Variants in PIM3 observed in about 807,000 individuals in gnomAD.
PIM3 encodes serine/threonine-protein kinase pim-3.
PIM3 carries 13 observed loss-of-function variants against 27.5 expected under a neutral mutation model. The ratio of observed to expected loss-of-function variants is 0.47; its 90% CI spans 0.31 to 0.75. PIM3 has a LOEUF of 0.75. Among genes scored for constraint, PIM3 ranks in the 30% least tolerant of loss-of-function variants. The pLI is 0.05. For synonymous variants in PIM3, 341 were observed against 221.1 expected (o/e 1.54, Z -4.81); for missense variants, 482 against 476.9 (o/e 1.01, Z -0.10).
At chr22:49,962,044 G>T (rs965362284) in intron 4 of PIM3, among the ~76,000 whole-genome samples, 2 of 152,120 alleles carry the variant, frequency 1.3e-5, no homozygotes, top group Admixed American at 6.5e-5. Context: ...CCTCCATCGC[G>T]TTGGGGGGTA....
chr22:49,963,919 C>T lies in PIM3; in HGVS notation c.*792C>T, dbSNP rs929707838. On this transcript the variant is annotated 3_prime_UTR_variant, in exon 6 of 6. Coordinates refer to ENST00000360612, the MANE Select transcript of PIM3 (RefSeq NM_001001852.4). ...TGGGCTCTGAAAGCTGGGGTGGGGCCAGAGCCTGAGCGTTTAATTTATTCA... is the reference window on the plus strand; with the variant it reads ...TGGGCTCTGAAAGCTGGGGTGGGGCTAGAGCCTGAGCGTTTAATTTATTCA... 17 of 152,390 alleles carry T rather than the reference C, an allele frequency of 1.1e-4. No individual in the cohort carries two copies. Among genetic ancestry groups the T allele is most frequent in the Non-Finnish European group, 1.8e-4 (12 of 68,092 alleles). The allele number at this position is 152,390 out of a possible 1,614,324, so 9.4% of individuals were successfully genotyped here. A position where few individuals can be genotyped will look rare whatever the true frequency, so the allele number is the denominator to read the frequency against.
In PIM3 at chr22:49,961,615, C is replaced by A; in HGVS notation, c.420C>A (p.Gly140=). ...TCTTCGACTTTATCACGGAGCGCGG[C>A]GCCCTGGACGAGCCGCTGGCGCGCC... The part of the protein sequence containing the change: ...QDLFDFITER[G]ALDEPLARRF... Residue 140 remains glycine (G), a synonymous_variant, in exon 4 of 6, where the codon GGC becomes GGA. Coordinates refer to ENST00000360612, the MANE Select transcript of PIM3 (RefSeq NM_001001852.4). 1 of 1,550,086 alleles carries A rather than the reference C, an allele frequency of 6.5e-7. No individual in the cohort carries two copies. Among genetic ancestry groups the A allele is most frequent in the South Asian group, 1.2e-5 (1 of 84,388 alleles).
chr22:49,963,444 C>G lies in PIM3; in HGVS notation c.*317C>G, dbSNP rs570258477. 7.0e-6 allele frequency: 2 copies of G among 287,270 alleles called. No individual in the cohort carries two copies. The highest frequency in any genetic ancestry group is 1.3e-5 in the Non-Finnish European group (2 of 150,386). 17.8% of individuals were successfully genotyped at this position (287,270 alleles called of 1,614,324 possible). Reference sequence around the variant, plus strand: ...GCCTGCCCACCCGGAGCTCTTTCCGCCGGCGCAGGGTCCCAAGCCCACCTC... The same window carrying G: ...GCCTGCCCACCCGGAGCTCTTTCCGGCGGCGCAGGGTCCCAAGCCCACCTC... On this transcript the variant is annotated 3_prime_UTR_variant, in exon 6 of 6. Coordinates refer to ENST00000360612, the MANE Select transcript of PIM3 (RefSeq NM_001001852.4).
At chr22:49,962,285 C>T (rs969248924) in intron 4 of PIM3, among the ~76,000 whole-genome samples, 3 of 151,750 alleles carry the variant, frequency 2.0e-5, no homozygotes, top group Admixed American at 6.5e-5. Context: ...GCAGAAATCC[C>T]CGCATTGCGG....
At position 49,961,007 on chromosome 22, in the gene PIM3, C is replaced by T. The variant is rs769227911; in HGVS notation, c.60C>T (p.His20=). The change falls in exon 1 of 6, where the codon CAC becomes CAT. Residue 20 remains histidine (H), a synonymous_variant. Coordinates refer to ENST00000360612, the MANE Select transcript of PIM3 (RefSeq NM_001001852.4). ...AHLCGPGGVD[H]LPVKILQPAK... ...TCTGCGGGCCCGGCGGCGTGGACCA[C>T]CTCCCGGTGAAGATCCTGCAGCCAG... 28 of 1,392,906 alleles carry T rather than the reference C, an allele frequency of 2.0e-5. No individual in the cohort carries two copies. Among genetic ancestry groups the T allele is most frequent in the Non-Finnish European group, 2.5e-5 (27 of 1,063,744 alleles). 86.3% of individuals were successfully genotyped at this position (1,392,906 alleles called of 1,614,324 possible). A position where few individuals can be genotyped will look rare whatever the true frequency, so the allele number is the denominator to read the frequency against.
Position 49,962,753 on chromosome 22 carries a change from C to T in PIM3, c.681C>T (p.Thr227=), listed in dbSNP as rs56188169. Reference sequence around the variant, plus strand: ...ACCGCTACCACGGGCGCTCGGCCACCGTGTGGTCGCTGGGCGTGCTTCTCT... The same window carrying T: ...ACCGCTACCACGGGCGCTCGGCCACTGTGTGGTCGCTGGGCGTGCTTCTCT... ...RYHRYHGRSA[T]VWSLGVLLYD... Residue 227 remains threonine, a synonymous_variant, in exon 5 of 6, where the codon ACC becomes ACT. Transcript: ENST00000360612. The T allele has an allele frequency of 1.1e-5, 17 of 1,612,780 alleles. No individual in the cohort carries two copies. In the East Asian group the frequency reaches 2.2e-4, roughly 21 times the overall value.
At chr22:49,962,336 T>TCCCTCCC (rs992853807) in intron 4 of PIM3, among the ~76,000 whole-genome samples, 1 of 29,638 alleles carries the variant, frequency 3.4e-5, no homozygotes, top group African/African-American at 1.4e-4. Flanking sequence ...CCCTCCCTCC[T>TCCCTCCC]CCCTCCCTCT....
chr22:49,961,528 C>G lies in PIM3; in HGVS notation c.333C>G (p.Asp111Glu), dbSNP rs757713836. The G allele has an allele frequency of 5.8e-6, 9 of 1,541,398 alleles. No individual in the cohort carries two copies. The highest frequency in any genetic ancestry group is 1.4e-5 in the African/African-American group (1 of 71,950). The change falls in exon 4 of 6, where the codon GAC becomes GAG. Residue 111 changes from aspartate to glutamate, a missense_variant. Transcript: ENST00000360612. ...CGCGCGGCGTCATCCGCCTGCTGGA[C>G]TGGTTCGAGCGGCCCGACGGCTTCC... Reference protein sequence around the residue: ...GGARGVIRLLDWFERPDGFLL... With the variant: ...GGARGVIRLLEWFERPDGFLL...
rs753148648 is a variant in PIM3 at position 49,960,920 on chromosome 22, C to G, written c.-28C>G. ...GGCCGCGGCTTCGGCGCCTGGGGCTCGGGGCTCCGGGGAGGCCGTCGCCCG... is the reference window on the plus strand; with the variant it reads ...GGCCGCGGCTTCGGCGCCTGGGGCTGGGGGCTCCGGGGAGGCCGTCGCCCG... On this transcript the variant is annotated 5_prime_UTR_variant, in exon 1 of 6. Transcript: ENST00000360612. The G allele has an allele frequency of 6.4e-6, 8 of 1,257,938 alleles. No individual in the cohort carries two copies. The East Asian group carries it at 3.3e-4, about 51-fold the overall frequency. 77.9% of individuals were successfully genotyped at this position (1,257,938 alleles called of 1,614,324 possible). A position where few individuals can be genotyped will look rare whatever the true frequency, so the allele number is the denominator to read the frequency against.
rs766803454 is a variant in PIM3 at position 49,963,156 on chromosome 22, A to G, written c.*29A>G. The G allele has an allele frequency of 2.6e-6, 4 of 1,543,250 alleles. No homozygotes were observed. The East Asian group carries it at 7.2e-5, about 28-fold the overall frequency. On this transcript the variant is annotated 3_prime_UTR_variant, in exon 6 of 6. Transcript: ENST00000360612. The stretch of plus-strand genomic sequence containing the variant: ...GCTGCACCTGACTGGGAGCTAGGGG[A>G]CCACCTGCCTTGGCCAGACCTGGGA...
rs2060922646 is a variant in PIM3, at chr22:49,963,809, T to A, written c.*682T>A. On this transcript the variant is annotated 3_prime_UTR_variant, in exon 6 of 6. Coordinates refer to ENST00000360612, the MANE Select transcript of PIM3 (RefSeq NM_001001852.4). The stretch of plus-strand genomic sequence containing the variant: ...AAGATGAACATGTATAGTGGCTAAC[T>A]TAAGGGGAGTGGGTGACCCTGACAC... 6.6e-6 allele frequency: 1 copy of A among 152,356 alleles called. No individual in the cohort carries two copies. The highest frequency in any genetic ancestry group is 1.5e-5 in the Non-Finnish European group (1 of 68,038). The allele number at this position is 152,356 out of a possible 1,614,324, so 9.4% of individuals were successfully genotyped here. A position where few individuals can be genotyped will look rare whatever the true frequency, so the allele number is the denominator to read the frequency against.
chr22:49,960,939 T>C lies in PIM3; in HGVS notation c.-9T>C. ...GGGGCTCGGGGCTCCGGGGAGGCCG[T>C]CGCCCGCGATGCTGCTCTCCAAGTT... is the stretch of plus-strand genomic sequence containing the variant. On this transcript the variant is annotated 5_prime_UTR_variant, in exon 1 of 6. Coordinates refer to ENST00000360612, the MANE Select transcript of PIM3 (RefSeq NM_001001852.4). The C allele has an allele frequency of 7.6e-7, 1 of 1,316,114 alleles. No homozygotes were observed. The highest frequency in any genetic ancestry group is 9.8e-7 in the Non-Finnish European group (1 of 1,023,698). The allele number at this position is 1,316,114 out of a possible 1,614,324, so 81.5% of individuals were successfully genotyped here. A position where few individuals can be genotyped will look rare whatever the true frequency, so the allele number is the denominator to read the frequency against.
rs1161468523 is a variant in PIM3, at chr22:49,963,818, G to A, written c.*691G>A. On this transcript the variant is annotated 3_prime_UTR_variant, in exon 6 of 6. Transcript: ENST00000360612. Reference sequence around the variant, plus strand: ...ATGTATAGTGGCTAACTTAAGGGGAGTGGGTGACCCTGACACTTCCAGGCA... The same window carrying A: ...ATGTATAGTGGCTAACTTAAGGGGAATGGGTGACCCTGACACTTCCAGGCA... The A allele has an allele frequency of 6.6e-6, 1 of 152,430 alleles. No individual in the cohort carries two copies. The highest frequency in any genetic ancestry group is 1.5e-5 in the Non-Finnish European group (1 of 68,060). 9.4% of individuals were successfully genotyped at this position (152,430 alleles called of 1,614,324 possible).
rs2060918495 is a variant in PIM3 at position 49,963,192 on chromosome 22, C to T, written c.*65C>T. ...TGGCCAGACCTGGGACGCCCCCAGA[C>T]CCTGACTTTCTCCTGCGTGGGCCGT... On this transcript the variant is annotated 3_prime_UTR_variant, in exon 6 of 6. Transcript: ENST00000360612. 1.5e-5 allele frequency: 22 copies of T among 1,447,096 alleles called. No homozygotes were observed. In the South Asian group the frequency reaches 2.9e-4, roughly 19 times the overall value. The allele number at this position is 1,447,096 out of a possible 1,614,324, so 89.6% of individuals were successfully genotyped here. A position where few individuals can be genotyped will look rare whatever the true frequency, so the allele number is the denominator to read the frequency against.
rs570856771 is a variant in PIM3, at chr22:49,963,486, G to A, written c.*359G>A. 2.3e-5 allele frequency: 5 copies of A among 219,802 alleles called. No homozygotes were observed. Among genetic ancestry groups the A allele is most frequent in the African/African-American group, 9.2e-5 (4 of 43,328 alleles). 13.6% of individuals were successfully genotyped at this position (219,802 alleles called of 1,614,324 possible). On this transcript the variant is annotated 3_prime_UTR_variant, in exon 6 of 6. Transcript: ENST00000360612. The stretch of plus-strand genomic sequence containing the variant: ...GCCCACCTCCCGCCCTCAGTCCTGC[G>A]GTGTGCGTCTGGGCACGTCCTGCAC...
intron 2 of PIM3, 23 bp downstream of exon 2, chr22:49,961,257 C>A (rs1219077865): frequency 1.3e-6 from 2 of 1,536,048 alleles, no homozygotes; most frequent in South Asian, 1.2e-5. Context: ...GCCGGGCGGG[C>A]CCGGGTTTCT....
At chr22:49,962,583 C>T (rs571507799) in intron 4 of PIM3, 106 bp from the exon 5 acceptor site, 39 of 1,286,990 alleles carry the variant, frequency 3.0e-5, no homozygotes, top group Non-Finnish European at 3.8e-5. Flanking sequence ...TGAGGCCTGG[C>T]TCTGCTTCCT....
At chr22:49,962,205 G>A (rs988915358) in intron 4 of PIM3, among the ~76,000 whole-genome samples, 2 of 151,928 alleles carry the variant, frequency 1.3e-5, no homozygotes, top group Admixed American at 1.3e-4. Flanking sequence ...CCCGCGGCGC[G>A]GTTGGAGTGG....
At position 49,961,024 on chromosome 22, in the gene PIM3, T is replaced by A; in HGVS notation, c.77T>A (p.Leu26Gln). 7.3e-7 allele frequency: 1 copy of A among 1,377,274 alleles called. No individual in the cohort carries two copies. 85.3% of individuals were successfully genotyped at this position (1,377,274 alleles called of 1,614,324 possible). The change falls in exon 1 of 6, where the codon CTG (leucine) becomes CAG (glutamine). Residue 26 changes from leucine (L) to glutamine (Q), a missense_variant. Leu to Gln is a moderately radical substitution (Grantham distance 113). Coordinates refer to ENST00000360612, the MANE Select transcript of PIM3 (RefSeq NM_001001852.4). ...GGVDHLPVKI[L>Q]QPAKADKESF... ...GTGGACCACCTCCCGGTGAAGATCC[T>A]GCAGCCAGGTACGCGCGGGGCCGGC...
Sources: gnomAD v4.1 joint callset for allele counts (sites outside exome capture counted in the v4.1 genomes callset) on GRCh38, gnomAD v4.1.1 for gene constraint, MANE v1.5 for transcripts, NCBI Gene and HGNC (gene_info 2026-07-23, HGNC 2026-07-21) for gene names.